COX7B: variants seen among roughly 807,000 people sequenced by gnomAD.
The protein encoded by COX7B is cytochrome c oxidase subunit 7B.
Under a neutral mutation model 7.9 loss-of-function variants are expected in COX7B, and 2 were observed. The ratio of observed to expected loss-of-function variants is 0.25; its 90% CI spans 0.10 to 0.79. The LOEUF (loss-of-function observed/expected upper bound fraction) is 0.79, where lower values mean the gene tolerates loss of function less well. Among genes scored for constraint, COX7B ranks in the 30% least tolerant of loss-of-function variants. The probability of loss-of-function intolerance (pLI) is 0.69; values close to 1 mark genes in which losing one functional copy is unlikely to be tolerated. For missense variants in COX7B, 54 were observed against 62.7 expected (o/e 0.86, Z 0.47); for synonymous variants, 19 against 21.1 (o/e 0.90, Z 0.27).
rs2077132824 is a variant in COX7B at position 77,905,569 on chromosome X, C to T, written c.*308C>T. The T allele has an allele frequency of 1.3e-5, 2 of 151,108 alleles. No homozygotes were observed. The highest frequency in any genetic ancestry group is 4.1e-4 in the South Asian group (2 of 4,855). The allele number at this position is 151,108 out of a possible 1,213,427, so 12.5% of individuals were successfully genotyped here. A position where few individuals can be genotyped will look rare whatever the true frequency, so the allele number is the denominator to read the frequency against. ...GCAGTGGCACCATCTCAGCTCACTGCGACCTCTGCCTCCTGAGTTCAAGTG... is the reference window on the plus strand; with the variant it reads ...GCAGTGGCACCATCTCAGCTCACTGTGACCTCTGCCTCCTGAGTTCAAGTG... On this transcript the variant is annotated 3_prime_UTR_variant, in exon 3 of 3. Transcript: ENST00000650309.
chrX:77,899,592 A>G lies in COX7B; in HGVS notation c.39A>G (p.Gln13=). 2 of 1,209,990 alleles carry G rather than the reference A, an allele frequency of 1.7e-6. No homozygotes were observed. Among genetic ancestry groups the G allele is most frequent in the Non-Finnish European group, 2.2e-6 (2 of 894,294 alleles). ...PLVKSALNRL[Q]VRSIQQTMAR... ...TCAAAAGCGCACTAAATCGTCTCCA[A>G]GGTGAGCAAAAATTATGACAAATCA... Residue 13 remains glutamine, a splice_region_variant and synonymous_variant, in exon 1 of 3, where the codon CAA becomes CAG. Coordinates refer to ENST00000650309, the MANE Select transcript of COX7B (RefSeq NM_001866.3).
In COX7B at chrX:77,906,866, G is replaced by A. The variant is rs1159940457; in HGVS notation, c.*1605G>A. On this transcript the variant is annotated 3_prime_UTR_variant, in exon 3 of 3. Coordinates refer to ENST00000650309, the MANE Select transcript of COX7B (RefSeq NM_001866.3). ...TGGTCTTGAACTCCTGACCTCAGGCGATCCACCCACCTCAGCCTCCCAAAG... is the reference window on the plus strand; with the variant it reads ...TGGTCTTGAACTCCTGACCTCAGGCAATCCACCCACCTCAGCCTCCCAAAG... The A allele has an allele frequency of 9.0e-6, 1 of 111,224 alleles. No individual in the cohort carries two copies. Among genetic ancestry groups the A allele is most frequent in the South Asian group, 3.8e-4 (1 of 2,654 alleles). 9.2% of individuals were successfully genotyped at this position (111,224 alleles called of 1,213,427 possible). A position where few individuals can be genotyped will look rare whatever the true frequency, so the allele number is the denominator to read the frequency against.
chrX:77,903,451 C>T (rs980307821), intron 2 of COX7B, among the ~76,000 whole-genome samples: 6 of 110,220 alleles, frequency 5.4e-5, no homozygotes, highest in African/African-American at 2.0e-4. Context: ...GCCTTGGTTT[C>T]CCAAAGTGCT....
At chrX:77,899,983 G>C (rs1221041671) in intron 1 of COX7B, among the ~76,000 whole-genome samples, 1 of 111,947 alleles carries the variant, frequency 8.9e-6, no homozygotes, top group Admixed American at 9.6e-5. Flanking sequence ...TGTAATAGAC[G>C]GAAACTGTAA....
At position 77,907,356 on chromosome X, in the gene COX7B, T is replaced by C. The variant is rs187665567; in HGVS notation, c.*2095T>C. ...TAAAATAAACATGTATTTAAGGAAG[T>C]GTCAACCTTCAATTATATACCTTTT... On this transcript the variant is annotated 3_prime_UTR_variant, in exon 3 of 3. Coordinates refer to ENST00000650309, the MANE Select transcript of COX7B (RefSeq NM_001866.3). 6 of 112,314 alleles carry C rather than the reference T, an allele frequency of 5.3e-5. No homozygotes were observed. In the Admixed American group the frequency reaches 5.7e-4, roughly 11 times the overall value. 9.3% of individuals were successfully genotyped at this position (112,314 alleles called of 1,213,427 possible).
chrX:77,903,002 C>T, intron 2 of COX7B: 2 of 258,788 alleles, frequency 7.7e-6, no homozygotes, highest in Non-Finnish European at 1.4e-5. Context: ...CCCTTTCCAT[C>T]TTGTGTAGCT....
At chrX:77,899,650 G>T in intron 1 of COX7B, 57 bp downstream of exon 1, 1 of 1,104,134 alleles carries the variant, frequency 9.1e-7, no homozygotes, top group South Asian at 1.9e-5. Flanking sequence ...GTGTCCTCGC[G>T]GCCTCTCGTG....
At position 77,905,177 on chromosome X, in the gene COX7B, C is replaced by T; in HGVS notation, c.166-7C>T. 1 of 1,201,471 alleles carries T rather than the reference C, an allele frequency of 8.3e-7. No homozygotes were observed. Among genetic ancestry groups the T allele is most frequent in the South Asian group, 1.8e-5 (1 of 56,682 alleles). On this transcript the variant is annotated splice_polypyrimidine_tract_variant and splice_region_variant and intron_variant, in intron 2 of 2. Transcript: ENST00000650309. ...ACACGTAACTGACAGCATTTTAATT[C>T]TTACAGGTAGCAACACAAGTCGGAA...
rs781806514 is a variant in COX7B, at chrX:77,905,570, G to A, written c.*309G>A. ...CAGTGGCACCATCTCAGCTCACTGC[G>A]ACCTCTGCCTCCTGAGTTCAAGTGA... On this transcript the variant is annotated 3_prime_UTR_variant, in exon 3 of 3. Transcript: ENST00000650309. 1.3e-4 allele frequency: 18 copies of A among 143,485 alleles called. No homozygotes were observed. The highest frequency in any genetic ancestry group is 1.9e-4 in the Non-Finnish European group (16 of 83,398). The allele number at this position is 143,485 out of a possible 1,213,427, so 11.8% of individuals were successfully genotyped here. A position where few individuals can be genotyped will look rare whatever the true frequency, so the allele number is the denominator to read the frequency against.
intron 1 of COX7B, 109 bp downstream of exon 1, chrX:77,899,702 GCTGT>G (rs1221614979): frequency 1.2e-5 from 9 of 737,004 alleles, no homozygotes; most frequent in African/African-American, 1.1e-4. Context: ...AATCTTGAAT[GCTGT>G]CTGTCTCCCA....
At chrX:77,901,484 G>A (rs2077119780) in intron 1 of COX7B, among the ~76,000 whole-genome samples, 1 of 109,276 alleles carries the variant, frequency 9.2e-6, no homozygotes, top group Non-Finnish European at 1.9e-5. Flanking sequence ...GCTTTTTCCA[G>A]TCTCGGCTGT....
chrX:77,905,057 A>C, intron 2 of COX7B, 127 bp from the exon 3 acceptor site: 1 of 541,000 alleles, frequency 1.8e-6, no homozygotes, highest in Non-Finnish European at 3.2e-6. Context: ...GGAGGGTATT[A>C]GATCCCAGGT....
chrX:77,903,770 A>G (rs1234534598), intron 2 of COX7B, among the ~76,000 whole-genome samples: 2 of 110,972 alleles, frequency 1.8e-5, no homozygotes, highest in Admixed American at 1.9e-4. Context: ...AAAATTTTAC[A>G]CTCAGAACTT....
At position 77,906,192 on chromosome X, in the gene COX7B, G is replaced by C. The variant is rs1339631800; in HGVS notation, c.*931G>C. The stretch of plus-strand genomic sequence containing the variant: ...AATAACTGATCATGGAACTATTGCA[G>C]ATCACCTTTGAGCCAAAAATTTGGC... On this transcript the variant is annotated 3_prime_UTR_variant, in exon 3 of 3. Transcript: ENST00000650309. The C allele has an allele frequency of 2.7e-5, 3 of 112,339 alleles. No homozygotes were observed. Among genetic ancestry groups the C allele is most frequent in the African/African-American group, 9.7e-5 (3 of 30,933 alleles). 9.3% of individuals were successfully genotyped at this position (112,339 alleles called of 1,213,427 possible).
In COX7B at chrX:77,899,516, A is replaced by G. The variant is rs1557220448; in HGVS notation, c.-38A>G. On this transcript the variant is annotated 5_prime_UTR_variant, in exon 1 of 3. Coordinates refer to ENST00000650309, the MANE Select transcript of COX7B (RefSeq NM_001866.3). The stretch of plus-strand genomic sequence containing the variant: ...ACCTGAAGCGAATTGGCACCAAAGC[A>G]GCAGCTGTATTGCCGCAGTTCTAGC... 5.0e-6 allele frequency: 6 copies of G among 1,208,309 alleles called. No individual in the cohort carries two copies. In the Admixed American group the frequency reaches 1.1e-4, roughly 22 times the overall value.
rs2077135251 is a variant in COX7B, at chrX:77,906,397, C to G, written c.*1136C>G. 1 of 111,647 alleles carries G rather than the reference C, an allele frequency of 9.0e-6. No individual in the cohort carries two copies. The highest frequency in any genetic ancestry group is 3.7e-4 in the South Asian group (1 of 2,707). The allele number at this position is 111,647 out of a possible 1,213,427, so 9.2% of individuals were successfully genotyped here. A position where few individuals can be genotyped will look rare whatever the true frequency, so the allele number is the denominator to read the frequency against. On this transcript the variant is annotated 3_prime_UTR_variant, in exon 3 of 3. Transcript: ENST00000650309. ...TGAAGACTAGCTACTAGCTCCTTGG[C>G]TGTTTTGGCATATTCATCTTGATTA...
chrX:77,904,058 G>C (rs537012697), intron 2 of COX7B, among the ~76,000 whole-genome samples: 1 of 104,616 alleles, frequency 9.6e-6, no homozygotes, highest in Non-Finnish European at 2.0e-5. Flanking sequence ...TCAGCCTTCC[G>C]AGTAGCTGGG....
rs113865300 is a variant in COX7B, at chrX:77,905,741, C to T, written c.*480C>T. ...TGATCTCGGCTCCTGCAACCTCCGC[C>T]TCCCGGGTTCAAGCGATTCTCCTGT... On this transcript the variant is annotated 3_prime_UTR_variant, in exon 3 of 3. Coordinates refer to ENST00000650309, the MANE Select transcript of COX7B (RefSeq NM_001866.3). The T allele has an allele frequency of 1.8e-3, 202 of 110,905 alleles. 2 individuals are homozygous for T. The highest frequency in any genetic ancestry group is 6.2e-3 in the African/African-American group (189 of 30,266). The allele number at this position is 110,905 out of a possible 1,213,427, so 9.1% of individuals were successfully genotyped here.
At chrX:77,899,954 C>T (rs782569177) in intron 1 of COX7B, among the ~76,000 whole-genome samples, 1 of 112,167 alleles carries the variant, frequency 8.9e-6, no homozygotes, top group Non-Finnish European at 1.9e-5. Context: ...AGAAAAATAT[C>T]TTCTCCAATT....
Sources: gnomAD v4.1 joint callset for allele counts (sites outside exome capture counted in the v4.1 genomes callset) on GRCh38, gnomAD v4.1.1 for gene constraint, MANE v1.5 for transcripts, NCBI Gene and HGNC (gene_info 2026-07-23, HGNC 2026-07-21) for gene names.